TCF12: variants seen among roughly 807,000 people sequenced by gnomAD.
TCF12 encodes transcription factor 12, also known as DNA-binding protein HTF4.
Under a neutral mutation model 86.0 loss-of-function variants are expected in TCF12, and 45 were observed. The ratio of observed to expected loss-of-function variants is 0.52; its 90% CI spans 0.41 to 0.67. The LOEUF is 0.67. Ranked by LOEUF, TCF12 falls within the 30% of genes least tolerant of loss-of-function variation. TCF12 has a pLI of 0.00. For synonymous variants in TCF12, 330 were observed against 299.6 expected, an observed-to-expected ratio of 1.10 and a Z score of -1.05; for missense variants, 881 against 859.9, an observed-to-expected ratio of 1.02 and a Z score of -0.31.
At chr15:57,056,902 G>T (rs975590844) in intron 3 of TCF12, among the ~76,000 whole-genome samples, 4 of 151,254 alleles carry the variant, frequency 2.6e-5, no homozygotes, top group African/African-American at 9.7e-5. Context: ...TTTTACTTTG[G>T]GTCATCTTGC....
chr15:57,054,231 G>A (rs2067830364), intron 3 of TCF12, among the ~76,000 whole-genome samples: 1 of 152,078 alleles, frequency 6.6e-6, no homozygotes, highest in African/African-American at 2.4e-5. Flanking sequence ...AATTGTTTGT[G>A]GAATTAAGTT....
Position 57,263,146 on chromosome 15 carries a change from A to G in TCF12, c.1617A>G (p.Thr539=), listed in dbSNP as rs1323021641. 4.3e-6 allele frequency: 7 copies of G among 1,612,504 alleles called. No homozygotes were observed. The African/African-American group carries it at 6.7e-5, about 15-fold the overall frequency. ...AAAGTCAGTCTGGAACTGTTGTTAC[A>G]ACAGAAATCAAGACTGAAAACAAAG... The part of the protein sequence containing the change: ...GLQSQSGTVV[T]TEIKTENKEK... The change falls in exon 18 of 21, where the codon ACA becomes ACG. Residue 539 remains threonine, a synonymous_variant. Transcript: ENST00000333725.
intron 19 of TCF12, among the ~76,000 whole-genome samples, chr15:57,278,353 G>A (rs1397466761): frequency 6.6e-6 from 1 of 152,034 alleles, no homozygotes; most frequent in Non-Finnish European, 1.5e-5. Flanking sequence ...GAAAGAAAAT[G>A]GAATTAATTG....
intron 18 of TCF12, among the ~76,000 whole-genome samples, chr15:57,267,952 C>T (rs188531142): frequency 3.9e-5 from 6 of 152,260 alleles, no homozygotes; most frequent in Admixed American, 6.5e-5. Context: ...CCTTTGCACA[C>T]GGTCTAGCAC....
chr15:56,954,615 A>G (rs1446176730), intron 3 of TCF12, among the ~76,000 whole-genome samples: 4 of 152,204 alleles, frequency 2.6e-5, no homozygotes, highest in East Asian at 1.9e-4. Flanking sequence ...AAAAGAAACT[A>G]CCATCAGAGT....
At chr15:56,926,188 C>T (rs1459997118) in intron 3 of TCF12, among the ~76,000 whole-genome samples, 7 of 152,070 alleles carry the variant, frequency 4.6e-5, no homozygotes. Context: ...TGGCTCATGC[C>T]TGTAGTCCCA....
chr15:57,126,784 A>T (rs2051684226), intron 5 of TCF12, among the ~76,000 whole-genome samples: 2 of 152,120 alleles, frequency 1.3e-5, no homozygotes, highest in African/African-American at 4.8e-5. Flanking sequence ...GTTAATGTTT[A>T]ATGGAAATTT....
At position 57,032,203 on chromosome 15, in the gene TCF12, G is replaced by A. The variant is rs991984344; in HGVS notation, c.149-31547G>A. ...ATATTTTAAAAAGACTTTAAAAACA[G>A]GTATGAGATAGAACTCCACCAGGTT... On this transcript the variant is annotated intron_variant, in intron 3 of 20. Coordinates refer to ENST00000333725, the MANE Select transcript of TCF12 (RefSeq NM_207037.2). 1.4e-4 allele frequency among the ~76,000 whole-genome samples: 21 copies of A among 152,078 alleles called. 1 individual carries two copies. The highest frequency in any genetic ancestry group is 1.5e-5 in the Non-Finnish European group (1 of 68,012).
At chr15:57,100,675 G>A (rs1453516070) in intron 5 of TCF12, among the ~76,000 whole-genome samples, 2 of 151,880 alleles carry the variant, frequency 1.3e-5, no homozygotes, top group African/African-American at 4.8e-5. Flanking sequence ...TGTTTGAACT[G>A]GATAAATAAT....
At chr15:57,265,991 A>G (rs2060847261) in intron 18 of TCF12, among the ~76,000 whole-genome samples, 2 of 152,204 alleles carry the variant, frequency 1.3e-5, no homozygotes, top group African/African-American at 2.4e-5. Context: ...GTATATTAAT[A>G]TAAGGGCTAA....
chr15:57,200,661 G>T (rs2057495938), intron 8 of TCF12, among the ~76,000 whole-genome samples: 1 of 152,094 alleles, frequency 6.6e-6, no homozygotes, highest in East Asian at 1.9e-4. Context: ...TAATAGGCAG[G>T]GTTACTTAGC....
chr15:57,247,169 A>G (rs548258935), intron 13 of TCF12: 1 of 477,646 alleles, frequency 2.1e-6, no homozygotes, highest in Non-Finnish European at 4.0e-6. Flanking sequence ...CCACCACCAT[A>G]TCCTTGGTCC....
chr15:57,021,467 T>C (rs2065476540), intron 3 of TCF12, among the ~76,000 whole-genome samples: 1 of 152,212 alleles, frequency 6.6e-6, no homozygotes, highest in Non-Finnish European at 1.5e-5. Context: ...AACAGTGGCT[T>C]AGCATACAGA....
chr15:57,142,572 C>G (rs2053056942), intron 5 of TCF12, among the ~76,000 whole-genome samples: 1 of 144,556 alleles, frequency 6.9e-6, no homozygotes, highest in South Asian at 2.2e-4. Flanking sequence ...AAGTAGGAAA[C>G]TATAAGTCTA....
intron 4 of TCF12, among the ~76,000 whole-genome samples, chr15:57,078,259 C>T (rs993047205): frequency 6.6e-6 from 1 of 152,124 alleles, no homozygotes; most frequent in East Asian, 1.9e-4. Flanking sequence ...CTAAACTATT[C>T]ATACAAAACC....
chr15:57,202,064 A>AC (rs2151765510), intron 8 of TCF12, among the ~76,000 whole-genome samples: 1 of 152,318 alleles, frequency 6.6e-6, no homozygotes, highest in Admixed American at 6.5e-5. Context: ...GTTAACCATT[A>AC]CCCATATCCT....
At chr15:56,930,901 C>G (rs933484788) in intron 3 of TCF12, among the ~76,000 whole-genome samples, 3 of 152,046 alleles carry the variant, frequency 2.0e-5, no homozygotes, top group African/African-American at 7.2e-5. Flanking sequence ...TTTCCTAGTT[C>G]CTGTGTGGTT....
intron 3 of TCF12, among the ~76,000 whole-genome samples, chr15:56,928,297 CTAT>C (rs1171193229): frequency 6.6e-6 from 1 of 151,550 alleles, no homozygotes; most frequent in African/African-American, 2.4e-5. Flanking sequence ...ATGGTAGCTG[CTAT>C]TATTGTGGTA....
chr15:57,087,263 T>C (rs1244323836), intron 4 of TCF12, among the ~76,000 whole-genome samples: 3 of 151,690 alleles, frequency 2.0e-5, no homozygotes, highest in Admixed American at 1.3e-4. Flanking sequence ...AATAAAAATA[T>C]TGGCTGGTCG....
Sources: gnomAD v4.1 joint callset for allele counts (sites outside exome capture counted in the v4.1 genomes callset) on GRCh38, gnomAD v4.1.1 for gene constraint, MANE v1.5 for transcripts, NCBI Gene and HGNC (gene_info 2026-07-23, HGNC 2026-07-21) for gene names.